The following PCDHGA4 variants were observed in gnomAD, a reference collection of about 807,000 sequenced individuals.
PCDHGA4 encodes protocadherin gamma-A4.
In PCDHGA4, 38 loss-of-function variants were observed where a neutral mutation model predicts 54.6. That is an observed-to-expected ratio of 0.70 (90% CI 0.54 to 0.91). PCDHGA4 has a LOEUF of 0.91. Ranked by LOEUF, PCDHGA4 falls within the 40% of genes least tolerant of loss-of-function variation. The pLI is 0.00. For missense variants in PCDHGA4, 1,298 were observed against 1,220.9 expected, an observed-to-expected ratio of 1.06 and a Z score of -0.94; for synonymous variants, 511 against 512.9, an observed-to-expected ratio of 1.00 and a Z score of 0.05.
intron 1 of PCDHGA4, chr5:141,375,569 C>A (rs775153131): frequency 1.2e-6 from 2 of 1,613,970 alleles, no homozygotes; most frequent in East Asian, 2.2e-5. Context: ...AGAAGACACC[C>A]TCCAGGGGGC....
At chr5:141,376,221 C>G in intron 1 of PCDHGA4, 4 of 1,614,216 alleles carry the variant, frequency 2.5e-6, no homozygotes, top group Non-Finnish European at 3.4e-6. Context: ...GTGCTGCTGG[C>G]GCTCAGACTG....
At chr5:141,361,325 C>T (rs1388509991) in intron 1 of PCDHGA4, 9 of 1,613,940 alleles carry the variant, frequency 5.6e-6, no homozygotes, top group Non-Finnish European at 7.6e-6. Flanking sequence ...TTGAAATCTT[C>T]CTCAAAGAAC....
chr5:141,488,480 C>A (rs935896624), intron 1 of PCDHGA4, among the ~76,000 whole-genome samples: 6 of 152,298 alleles, frequency 3.9e-5, no homozygotes, highest in African/African-American at 1.4e-4. Flanking sequence ...GTTCCCCTAC[C>A]CAAAAACTGT....
chr5:141,489,088 G>GCCAA lies in PCDHGA4; in HGVS notation c.2515-5719_2515-5718insCCAA. The GCCAA allele has an allele frequency of 2.9e-6, 1 of 347,240 alleles. No individual in the cohort carries two copies. Among genetic ancestry groups the GCCAA allele is most frequent in the Non-Finnish European group, 5.0e-6 (1 of 200,708 alleles). The allele number at this position is 347,240 out of a possible 1,614,324, so 21.5% of individuals were successfully genotyped here. A position where few individuals can be genotyped will look rare whatever the true frequency, so the allele number is the denominator to read the frequency against. ...CCCCTGCCCACCCCCGCCACTCGGT[G>GCCAA]ACTAAGAACTGCTGCAAGCAGGCAA... On this transcript the variant is annotated intron_variant, in intron 1 of 3. Transcript: ENST00000571252. This position sits in a 1 kb window ranked among gnomAD's most constrained non-coding sequence, Gnocchi z 4.5.
In PCDHGA4 at chr5:141,355,876, G is replaced by T; in HGVS notation, c.769G>T (p.Ala257Ser). Residue 257 changes from alanine to serine, a missense_variant, in exon 1 of 4, where the codon GCC (alanine) becomes TCC (serine). Transcript: ENST00000571252. ...AGGTGACCCGGTTCGCTCTGGCACT[G>T]CCAGGATTCTCATAATACTTGTGGA... Reference protein sequence around the residue: ...DGGDPVRSGTARILIILVDTN... With the variant: ...DGGDPVRSGTSRILIILVDTN... 2.5e-6 allele frequency: 4 copies of T among 1,613,034 alleles called. No individual in the cohort carries two copies. The highest frequency in any genetic ancestry group is 3.4e-6 in the Non-Finnish European group (4 of 1,179,544).
rs1014896576 is a variant in PCDHGA4, at chr5:141,512,427, C to T, written c.*1254C>T. 6.5e-6 allele frequency: 1 copy of T among 152,788 alleles called. No individual in the cohort carries two copies. Among genetic ancestry groups the T allele is most frequent in the African/African-American group, 2.4e-5 (1 of 41,460 alleles). The allele number at this position is 152,788 out of a possible 1,614,324, so 9.5% of individuals were successfully genotyped here. A position where few individuals can be genotyped will look rare whatever the true frequency, so the allele number is the denominator to read the frequency against. On this transcript the variant is annotated 3_prime_UTR_variant, in exon 4 of 4. Transcript: ENST00000571252. ...GGGCTTCTTCAACAGGGCCCCTGCC[C>T]TCCTGAAGCCTCAGTCCTTCACCTT...
chr5:141,423,156 C>G, intron 1 of PCDHGA4: 1 of 1,613,388 alleles, frequency 6.2e-7, no homozygotes, highest in Non-Finnish European at 8.5e-7. Flanking sequence ...AGCAGAGCCT[C>G]GTGGTGGCCG....
chr5:141,361,812 G>C, intron 1 of PCDHGA4: 1 of 1,613,072 alleles, frequency 6.2e-7, no homozygotes, highest in Non-Finnish European at 8.5e-7. Context: ...ATGACAATGC[G>C]CCACGGGTGC....
intron 1 of PCDHGA4, chr5:141,361,905 G>C (rs753577656): frequency 6.2e-7 from 1 of 1,608,996 alleles, no homozygotes. Flanking sequence ...TGGTGACCAA[G>C]GTGGTGGCGG....
rs117064561 is a variant in PCDHGA4, at chr5:141,470,737, G to T, written c.2515-24070G>T. Among the ~76,000 whole-genome samples the T allele has an allele frequency of 1.9e-3, 295 of 152,132 alleles. 7 individuals carry two copies. In the East Asian group the frequency reaches 0.046, roughly 24 times the overall value. On this transcript the variant is annotated intron_variant, in intron 1 of 3. Coordinates refer to ENST00000571252, the MANE Select transcript of PCDHGA4 (RefSeq NM_018917.4). ...TTTTGAGTCAGGGTCTTGCTCTGTC[G>T]CCCTGGCTGGAGTGCAGTGGACTCA...
At chr5:141,482,513 A>C (rs552094845) in intron 1 of PCDHGA4, among the ~76,000 whole-genome samples, 1 of 143,798 alleles carries the variant, frequency 7.0e-6, no homozygotes, top group East Asian at 2.1e-4. Flanking sequence ...CCCAGAGTAC[A>C]GTATGAGACA....
rs1267722283 is a variant in PCDHGA4 at position 141,493,105 on chromosome 5, G to A, written c.2515-1702G>A. Reference sequence around the variant, plus strand: ...GAGCTTTTATTCAAAATATATCAATGCCTAACTCTGCTCCTAGGACTGTAT... The same window carrying A: ...GAGCTTTTATTCAAAATATATCAATACCTAACTCTGCTCCTAGGACTGTAT... On this transcript the variant is annotated intron_variant, in intron 1 of 3. Coordinates refer to ENST00000571252, the MANE Select transcript of PCDHGA4 (RefSeq NM_018917.4). This position sits in a 1 kb window ranked among gnomAD's most constrained non-coding sequence, Gnocchi z 4.3. Among the ~76,000 whole-genome samples, 1 of 152,076 alleles carries A rather than the reference G, an allele frequency of 6.6e-6. No homozygotes were observed. Among genetic ancestry groups the A allele is most frequent in the Non-Finnish European group, 1.5e-5 (1 of 67,994 alleles).
At position 141,431,763 on chromosome 5, in the gene PCDHGA4, T is replaced by C; in HGVS notation, c.2515-63044T>C. On this transcript the variant is annotated intron_variant, in intron 1 of 3. Transcript: ENST00000571252. The surrounding 1 kb of genome is among the most constrained non-coding windows in gnomAD (Gnocchi z 4.8). ...TATTCTGCGCGAGCCAAAGTCCTGA[T>C]CACTGTTCTGGACGTGAACGACAAT... 1 of 1,614,230 alleles carries C rather than the reference T, an allele frequency of 6.2e-7. No individual in the cohort carries two copies. Among genetic ancestry groups the C allele is most frequent in the Non-Finnish European group, 8.5e-7 (1 of 1,180,030 alleles).
intron 1 of PCDHGA4, among the ~76,000 whole-genome samples, chr5:141,471,076 T>C (rs1463083616): frequency 1.5e-5 from 2 of 136,094 alleles, no homozygotes; most frequent in Non-Finnish European, 3.1e-5. Context: ...TGAGACAGGG[T>C]CTCCCTCTGT....
chr5:141,430,830 G>C, intron 1 of PCDHGA4: 1 of 1,554,968 alleles, frequency 6.4e-7, no homozygotes, highest in Non-Finnish European at 8.7e-7. Context: ...GGGACTCTGT[G>C]GGAGACCGGA....
chr5:141,419,085 C>T (rs759272094), intron 1 of PCDHGA4: 1 of 1,613,936 alleles, frequency 6.2e-7, no homozygotes, highest in Non-Finnish European at 8.5e-7. Flanking sequence ...ACAGATGAGG[C>T]CCTGGATCGG....
chr5:141,385,573 C>T lies in PCDHGA4; in HGVS notation c.2514+27952C>T, dbSNP rs576834153. 10 of 1,295,026 alleles carry T rather than the reference C, an allele frequency of 7.7e-6. No individual in the cohort carries two copies. In the East Asian group the frequency reaches 2.7e-4, roughly 35 times the overall value. The allele number at this position is 1,295,026 out of a possible 1,614,324, so 80.2% of individuals were successfully genotyped here. On this transcript the variant is annotated intron_variant, in intron 1 of 3. Coordinates refer to ENST00000571252, the MANE Select transcript of PCDHGA4 (RefSeq NM_018917.4). Reference sequence around the variant, plus strand: ...ACATTTTATAATTTCCACCTACTTTCCAATCTATGTTCCAACCTACTTTCT... The same window carrying T: ...ACATTTTATAATTTCCACCTACTTTTCAATCTATGTTCCAACCTACTTTCT...
intron 1 of PCDHGA4, chr5:141,366,318 C>T (rs767826248): frequency 8.7e-6 from 14 of 1,613,774 alleles, no homozygotes; most frequent in Non-Finnish European, 1.2e-5. Flanking sequence ...GTCACCGTTG[C>T]CGTGGCCGAC....
chr5:141,481,835 C>T (rs892868552), intron 1 of PCDHGA4, among the ~76,000 whole-genome samples: 5 of 149,932 alleles, frequency 3.3e-5, no homozygotes, highest in Non-Finnish European at 7.4e-5. Flanking sequence ...GCAGGAGAAT[C>T]GCTTGATGGT....
Sources: gnomAD v4.1 joint callset for allele counts (sites outside exome capture counted in the v4.1 genomes callset) on GRCh38, gnomAD v4.1.1 for gene constraint, Gnocchi (gnomAD v3.1) non-coding constraint, MANE v1.5 for transcripts, NCBI Gene and HGNC (gene_info 2026-07-23, HGNC 2026-07-21) for gene names.